Variants in DMD observed in about 807,000 individuals in gnomAD.
DMD encodes dystrophin.
In DMD, 63 loss-of-function variants were observed where a neutral mutation model predicts 330.1. That is an observed-to-expected ratio of 0.19 (90% confidence interval 0.16 to 0.24). The LOEUF (loss-of-function observed/expected upper bound fraction) is 0.24, where lower values mean the gene tolerates loss of function less well. Ranked by LOEUF, DMD falls within the 10% of genes least tolerant of loss-of-function variation. The pLI, the probability that DMD is intolerant of heterozygous loss-of-function variation, is 1.00. For synonymous variants in DMD, 1,223 were observed against 959.8 expected (o/e 1.27, Z -5.07); for missense variants, 3,344 against 2,684.1 (o/e 1.25, Z -5.43).
At chrX:32,915,564 C>CCT (rs911186376) in intron 2 of DMD, among the ~76,000 whole-genome samples, 5 of 111,006 alleles carry the variant, frequency 4.5e-5, no homozygotes, top group Non-Finnish European at 9.4e-5. Context: ...TAAATCACCC[C>CCT]CTCTCTCCTT....
At chrX:32,866,749 G>A (rs1254190839) in intron 2 of DMD, among the ~76,000 whole-genome samples, 6 of 88,096 alleles carry the variant, frequency 6.8e-5, no homozygotes, top group Non-Finnish European at 1.3e-4. Context: ...GGGTGGGGGG[G>A]GGGGGACAGA....
chrX:33,066,984 G>A (rs187484075), intron 1 of DMD, among the ~76,000 whole-genome samples: 4 of 111,920 alleles, frequency 3.6e-5, no homozygotes, highest in African/African-American at 6.5e-5. Context: ...CAGGGAATTC[G>A]TAGACCGACA....
chrX:31,135,734 A>G (rs900859227), intron 76 of DMD, among the ~76,000 whole-genome samples: 1 of 112,777 alleles, frequency 8.9e-6, no homozygotes, highest in African/African-American at 3.2e-5. Flanking sequence ...TTTGAAACTA[A>G]CTTTTCATAA....
chrX:31,617,534 CAAAAAAAAAAAAAAA>C (rs749572753), intron 55 of DMD, among the ~76,000 whole-genome samples: 3 of 32,052 alleles, frequency 9.4e-5, no homozygotes, highest in Non-Finnish European at 1.1e-4. Flanking sequence ...GACTTCGTCT[CAAAAAAAAAAAAAAA>C]AAAAAAAAAA....
chrX:32,827,462 A>C (rs2078806147), intron 4 of DMD, among the ~76,000 whole-genome samples: 2 of 110,643 alleles, frequency 1.8e-5, no homozygotes, highest in African/African-American at 6.6e-5. Context: ...TCAGGAGTAC[A>C]TGTGCAGGTT....
rs1272053462 is a variant in DMD at position 32,593,400 on chromosome X, T to C, written c.1602+2357A>G. Among the ~76,000 whole-genome samples the C allele has an allele frequency of 8.9e-5, 10 of 112,410 alleles. No individual in the cohort carries two copies. In the East Asian group the frequency reaches 2.8e-3, roughly 31 times the overall value. ...TCCATTCTTTAACATTTGCTCATTTTTAAAAATACTTTATTAATGTCTATT... is the reference window on the plus strand; with the variant it reads ...TCCATTCTTTAACATTTGCTCATTTCTAAAAATACTTTATTAATGTCTATT... On this transcript the variant is annotated intron_variant, in intron 13 of 78. Coordinates refer to ENST00000357033, the MANE Select transcript of DMD (RefSeq NM_004006.3).
upstream of DMD, chrX:33,211,593 C>T: frequency 1.0e-6 from 1 of 987,247 alleles, no homozygotes; most frequent in Non-Finnish European, 1.3e-6. Flanking sequence ...AATTCCAGGA[C>T]CTGCGCACAA....
intron 62 of DMD, among the ~76,000 whole-genome samples, chrX:31,292,143 C>CA (rs1315043917): frequency 5.5e-5 from 6 of 109,715 alleles, no homozygotes; most frequent in Non-Finnish European, 9.5e-5. Flanking sequence ...AACTATCAAT[C>CA]AAAAAAACAA....
intron 25 of DMD, among the ~76,000 whole-genome samples, chrX:32,456,706 A>G (rs2098360780): frequency 1.9e-5 from 2 of 108,017 alleles, no homozygotes; most frequent in African/African-American, 6.7e-5. Flanking sequence ...GCATTTGGTG[A>G]TAGATTTGAT....
intron 9 of DMD, among the ~76,000 whole-genome samples, chrX:32,667,725 C>A (rs1292817772): frequency 9.2e-6 from 1 of 108,118 alleles, no homozygotes; most frequent in Non-Finnish European, 1.9e-5. Context: ...ACTGGGTCGG[C>A]TACACCTTCG....
intron 6 of DMD, among the ~76,000 whole-genome samples, chrX:32,814,449 C>T (rs2077577236): frequency 8.9e-6 from 1 of 112,276 alleles, no homozygotes; most frequent in African/African-American, 3.2e-5. Flanking sequence ...CACCTCATGA[C>T]ATTCCTAATT....
In DMD at chrX:31,121,912, A is replaced by C. The variant is rs1431041665; in HGVS notation, c.*7T>G. ...GCCCAAATCATCTGCCATGTGGAAA[A>C]GACTTCCTACATTGTGTCCTGGAAA... On this transcript the variant is annotated 3_prime_UTR_variant, in exon 79 of 79. Transcript: ENST00000357033. The C allele has an allele frequency of 8.3e-7, 1 of 1,204,555 alleles. No homozygotes were observed. Among genetic ancestry groups the C allele is most frequent in the South Asian group, 1.8e-5 (1 of 56,837 alleles).
At chrX:32,388,026 G>A (rs1033089473) in intron 32 of DMD, among the ~76,000 whole-genome samples, 3 of 111,311 alleles carry the variant, frequency 2.7e-5, no homozygotes, top group Non-Finnish European at 5.7e-5. Context: ...TATGATTATG[G>A]TATACACCAC....
intron 4 of DMD, among the ~76,000 whole-genome samples, chrX:32,833,083 C>T (rs746170336): frequency 2.7e-5 from 3 of 111,627 alleles, no homozygotes; most frequent in African/African-American, 6.5e-5. Flanking sequence ...TTTGACCACT[C>T]ACTATATGCC....
chrX:31,529,081 G>C (rs888039729), intron 55 of DMD, among the ~76,000 whole-genome samples: 1 of 111,752 alleles, frequency 8.9e-6, no homozygotes. Context: ...AATTAGCAGG[G>C]CATGGTGGTG....
intron 44 of DMD, among the ~76,000 whole-genome samples, chrX:32,126,521 T>C (rs2096662504): frequency 8.9e-6 from 1 of 112,030 alleles, no homozygotes; most frequent in African/African-American, 3.3e-5. Context: ...TTCTAGTGTT[T>C]TGTTCCTTTG....
intron 7 of DMD, among the ~76,000 whole-genome samples, chrX:32,759,957 AATAAG>A (rs1457511388): frequency 1.8e-5 from 2 of 111,859 alleles, no homozygotes; most frequent in Non-Finnish European, 3.8e-5. Context: ...TTAACTGTAA[AATAAG>A]ATAGAGGATA....
At chrX:31,424,940 T>G (rs766663043) in intron 60 of DMD, among the ~76,000 whole-genome samples, 1 of 112,179 alleles carries the variant, frequency 8.9e-6, no homozygotes, top group East Asian at 2.8e-4. Context: ...GTTGTGAGTC[T>G]GTTAAAAGAA....
intron 50 of DMD, among the ~76,000 whole-genome samples, chrX:31,788,708 C>G (rs1473231603): frequency 9.0e-6 from 1 of 111,030 alleles, no homozygotes; most frequent in Non-Finnish European, 1.9e-5. Flanking sequence ...TTGTCTCTTT[C>G]TTTTTATCAC....
Sources: gnomAD v4.1 joint callset for allele counts (sites outside exome capture counted in the v4.1 genomes callset) on GRCh38, gnomAD v4.1.1 for gene constraint, MANE v1.5 for transcripts, NCBI Gene and HGNC (gene_info 2026-07-23, HGNC 2026-07-21) for gene names.